METTL9: variants seen among roughly 807,000 people sequenced by gnomAD.
The protein encoded by METTL9 is protein-L-histidine N-pros-methyltransferase.
A neutral mutation model predicts 36.0 loss-of-function variants in METTL9; 10 were observed. The observed-to-expected ratio is 0.28, with a 90% CI of 0.17 to 0.47. The LOEUF (loss-of-function observed/expected upper bound fraction) is 0.47. METTL9 is among the 20% of genes least tolerant of loss of function. The probability of loss-of-function intolerance (pLI) is 0.99; values close to 1 mark genes in which losing one functional copy is unlikely to be tolerated. For synonymous variants in METTL9, 175 were observed against 149.7 expected, an observed-to-expected ratio of 1.17 and a Z score of -1.23; for missense variants, 246 against 383.5, an observed-to-expected ratio of 0.64 and a Z score of 3.00.
chr16:21,630,319 G>A (rs1305159149), intron 4 of METTL9, among the ~76,000 whole-genome samples: 5 of 152,208 alleles, frequency 3.3e-5, no homozygotes, highest in African/African-American at 4.8e-5. Context: ...GCTGGCTCCC[G>A]CCTGCACCTC....
intron 4 of METTL9, among the ~76,000 whole-genome samples, chr16:21,630,106 A>AC (rs1398611543): frequency 6.6e-6 from 1 of 152,210 alleles, no homozygotes; most frequent in Non-Finnish European, 1.5e-5. Flanking sequence ...CTTTAGCTAG[A>AC]CAGAAAAGTT....
At chr16:21,614,980 A>G (rs1344538717) in intron 2 of METTL9, among the ~76,000 whole-genome samples, 3 of 152,090 alleles carry the variant, frequency 2.0e-5, no homozygotes, top group Non-Finnish European at 4.4e-5. Flanking sequence ...ACTGCCCCCC[A>G]CACTGCAGGA....
intron 4 of METTL9, chr16:21,647,531 C>A: frequency 1.3e-6 from 2 of 1,569,722 alleles, no homozygotes; most frequent in Non-Finnish European, 1.7e-6. Flanking sequence ...ATGGGCCTGC[C>A]ACCTCACTTT....
chr16:21,602,042 G>A (rs1291737574), intron 1 of METTL9, among the ~76,000 whole-genome samples: 1 of 152,096 alleles, frequency 6.6e-6, no homozygotes, highest in Non-Finnish European at 1.5e-5. Context: ...TAATATTCCA[G>A]GATCCTGGGT....
chr16:21,641,199 C>G (rs1966256604), intron 4 of METTL9: 1 of 178,326 alleles, frequency 5.6e-6, no homozygotes, highest in Non-Finnish European at 1.2e-5. Context: ...TTCTTCCACT[C>G]AAGACTGAGG....
chr16:21,599,553 G>C, upstream of METTL9: 1 of 1,282,684 alleles, frequency 7.8e-7, no homozygotes, highest in Non-Finnish European at 9.8e-7. This position sits in a 1 kb window ranked among gnomAD's most constrained non-coding sequence, Gnocchi z 4.4. Flanking sequence ...AGGGGGAGGT[G>C]CCGAGGCTGC....
At chr16:21,603,040 A>G (rs1965179601) in intron 1 of METTL9, among the ~76,000 whole-genome samples, 1 of 152,008 alleles carries the variant, frequency 6.6e-6, no homozygotes, top group African/African-American at 2.4e-5. Flanking sequence ...ATAGCAGCAT[A>G]TTTGCTACTG....
chr16:21,619,318 C>A (rs894511870), intron 3 of METTL9, among the ~76,000 whole-genome samples: 1 of 152,138 alleles, frequency 6.6e-6, no homozygotes, highest in African/African-American at 2.4e-5. Flanking sequence ...TTTCTCCACT[C>A]CTTGACAATA....
intron 4 of METTL9, among the ~76,000 whole-genome samples, chr16:21,631,948 C>A (rs1965973603): frequency 6.6e-6 from 1 of 152,158 alleles, no homozygotes; most frequent in African/African-American, 2.4e-5. Flanking sequence ...CTCACTGACT[C>A]CCTCTTTGTC....
At chr16:21,639,575 T>C (rs1966193324) in intron 4 of METTL9, 1 of 152,174 alleles carries the variant, frequency 6.6e-6, no homozygotes, top group African/African-American at 2.4e-5. Context: ...GGCAGGAAAG[T>C]ATTAGCATTT....
intron 4 of METTL9, 153 bp from the exon 5 acceptor site, chr16:21,655,074 T>G (rs920708793): frequency 1.2e-5 from 8 of 664,948 alleles, no homozygotes; most frequent in Non-Finnish European, 1.8e-5. Flanking sequence ...CCCACCTGTC[T>G]CAAAGAGTAC....
At chr16:21,626,917 C>T in intron 4 of METTL9, 1 of 973,812 alleles carries the variant, frequency 1.0e-6, no homozygotes, top group Non-Finnish European at 1.2e-6. Context: ...AATTTTATTT[C>T]CTTGTGTTTC....
chr16:21,639,661 A>T (rs1248734585), intron 4 of METTL9: 1 of 152,204 alleles, frequency 6.6e-6, no homozygotes, highest in Non-Finnish European at 1.5e-5. Flanking sequence ...TTTCATGCAT[A>T]TACCGTATAC....
intron 4 of METTL9, among the ~76,000 whole-genome samples, chr16:21,650,011 G>A (rs1046207832): frequency 2.0e-5 from 3 of 152,150 alleles, no homozygotes; most frequent in Admixed American, 6.6e-5. Context: ...AGAGCCAGGC[G>A]TGGTGGTGTG....
intron 1 of METTL9, among the ~76,000 whole-genome samples, chr16:21,603,290 C>T (rs1965186367): frequency 6.6e-6 from 1 of 152,044 alleles, no homozygotes; most frequent in African/African-American, 2.4e-5. Context: ...AGGCACGTGC[C>T]AGCACACCTG....
Position 21,612,763 on chromosome 16 carries a change from T to C in METTL9, c.284T>C (p.Leu95Pro). 2 of 1,613,628 alleles carry C rather than the reference T, an allele frequency of 1.2e-6. No individual in the cohort carries two copies. The highest frequency in any genetic ancestry group is 1.7e-6 in the Non-Finnish European group (2 of 1,179,856). Residue 95 changes from leucine to proline, a missense_variant, in exon 2 of 5, where the codon CTA becomes CCA. Physicochemically the swap from Leu to Pro is moderately conservative, Grantham distance 98. This residue lies in a region of METTL9 where 146 missense variants were observed against 302.1 expected (regional missense o/e 0.48). Coordinates refer to ENST00000358154, the MANE Select transcript of METTL9 (RefSeq NM_016025.5). ...LNNSIEKSGW[L>P]FIQLYHSFVS... The stretch of plus-strand genomic sequence containing the variant: ...AACAGCATTGAGAAATCGGGCTGGC[T>C]ATTTATCCAATTATATCATTCTTTT...
chr16:21,599,995 C>A lies in METTL9; in HGVS notation c.165+97C>A, dbSNP rs1361355637. ...GCGGGACGGCTCCGCGAGGGGGCGG[C>A]CCGGCCCTCGCCCCTCCGCCTCGGC... On this transcript the variant is annotated intron_variant, in intron 1 of 4. Coordinates refer to ENST00000358154, the MANE Select transcript of METTL9 (RefSeq NM_016025.5). This position sits in a 1 kb window ranked among gnomAD's most constrained non-coding sequence, Gnocchi z 4.4. 2 of 1,060,946 alleles carry A rather than the reference C, an allele frequency of 1.9e-6. No homozygotes were observed. The highest frequency in any genetic ancestry group is 2.4e-6 in the Non-Finnish European group (2 of 846,180). 65.7% of individuals were successfully genotyped at this position (1,060,946 alleles called of 1,614,324 possible).
chr16:21,653,515 T>A (rs1243679564), intron 4 of METTL9: 1 of 152,138 alleles, frequency 6.6e-6, no homozygotes, highest in East Asian at 1.9e-4. Flanking sequence ...AAAAGGAAAT[T>A]TATGCAAACA....
At position 21,608,358 on chromosome 16, in the gene METTL9, C is replaced by T. The variant is rs1383930509; in HGVS notation, c.166-4287C>T. On this transcript the variant is annotated intron_variant, in intron 1 of 4. Transcript: ENST00000358154. ...TCACCTTAAGGGCAAGGTGACTGCT[C>T]CTTTAAGGCTCTGAAGCTCCTCGCC... Among the ~76,000 whole-genome samples, 7 of 152,124 alleles carry T rather than the reference C, an allele frequency of 4.6e-5. No individual in the cohort carries two copies. The East Asian group carries it at 1.3e-3, about 29-fold the overall frequency.
Sources: gnomAD v4.1 joint callset for allele counts (sites outside exome capture counted in the v4.1 genomes callset) on GRCh38, gnomAD v4.1.1 for gene constraint, gnomAD v4.1.1 regional missense constraint, Gnocchi (gnomAD v3.1) non-coding constraint, MANE v1.5 for transcripts, NCBI Gene and HGNC (gene_info 2026-07-23, HGNC 2026-07-21) for gene names.